Variants in EPB41L3 observed in about 807,000 individuals in gnomAD.
EPB41L3 encodes the protein erythrocyte membrane protein band 4.1 like 3, also known as band 4.1-like protein 3.
Under a neutral mutation model 127.1 loss-of-function variants are expected in EPB41L3, and 57 were observed. The observed-to-expected ratio is 0.45, with a 90% confidence interval of 0.36 to 0.56. The LOEUF (loss-of-function observed/expected upper bound fraction) is 0.56. Among genes scored for constraint, EPB41L3 ranks in the 20% least tolerant of loss-of-function variants. The probability of loss-of-function intolerance (pLI) is 0.00; values close to 1 mark genes in which losing one functional copy is unlikely to be tolerated. For missense variants in EPB41L3, 1,273 were observed against 1,372.2 expected (o/e 0.93, Z 1.14); for synonymous variants, 572 against 549.5 (o/e 1.04, Z -0.57).
chr18:5,511,684 G>C (rs2092534018), intron 1 of EPB41L3, among the ~76,000 whole-genome samples: 1 of 151,498 alleles, frequency 6.6e-6, no homozygotes, highest in African/African-American at 2.4e-5. Context: ...CAACCTTCCA[G>C]ACGCATACAG....
intron 1 of EPB41L3, among the ~76,000 whole-genome samples, chr18:5,530,297 T>G (rs191626637): frequency 6.6e-6 from 1 of 152,218 alleles, no homozygotes; most frequent in Non-Finnish European, 1.5e-5. Flanking sequence ...GCTAGACTGC[T>G]ATGGTGCCAG....
chr18:5,564,987 C>T lies in EPB41L3; in HGVS notation c.-306+47353G>A, dbSNP rs72868458. Among the ~76,000 whole-genome samples, 938 of 152,286 alleles carry T rather than the reference C, an allele frequency of 6.2e-3. 6 individuals carry two copies. The highest frequency in any genetic ancestry group is 8.3e-3 in the Non-Finnish European group (568 of 68,026). ...ACTTTTCCCTCAAAATAAACGGCCA[C>T]ATAGCAAAATATTTATTATTTACAA... is the stretch of plus-strand genomic sequence containing the variant. On this transcript the variant is annotated intron_variant, in intron 3 of 21. Coordinates refer to the EPB41L3 transcript ENST00000545076.
At chr18:5,402,694 T>C (rs1196731036) in intron 16 of EPB41L3, among the ~76,000 whole-genome samples, 3 of 152,142 alleles carry the variant, frequency 2.0e-5, no homozygotes, top group Non-Finnish European at 2.9e-5. Context: ...AAAAATTCAC[T>C]TTTATCAGGG....
At chr18:5,600,625 A>G (rs950487589) in intron 3 of EPB41L3, among the ~76,000 whole-genome samples, 1 of 151,082 alleles carries the variant, frequency 6.6e-6, no homozygotes, top group African/African-American at 2.4e-5. Context: ...CAAAGGGAAG[A>G]AAAAAACATT....
At chr18:5,401,154 A>G in intron 16 of EPB41L3, 1 of 493,650 alleles carries the variant, frequency 2.0e-6, no homozygotes, top group Non-Finnish European at 3.6e-6. Context: ...CTATCATCTC[A>G]TATATTCTCA....
chr18:5,499,831 A>ATG (rs1263779742), intron 1 of EPB41L3, among the ~76,000 whole-genome samples: 3 of 117,842 alleles, frequency 2.5e-5, no homozygotes, highest in Non-Finnish European at 5.5e-5. Flanking sequence ...ATGTGTGTGT[A>ATG]TATATATATA....
chr18:5,424,392 T>G, intron 9 of EPB41L3, 33 bp from the exon 10 acceptor site: 1 of 1,505,778 alleles, frequency 6.6e-7, no homozygotes, highest in East Asian at 2.3e-5. Flanking sequence ...AAGAGTAAAG[T>G]TTAAAATTAT....
chr18:5,570,976 CA>C (rs2094272405), intron 3 of EPB41L3: 1 of 152,092 alleles, frequency 6.6e-6, no homozygotes, highest in Non-Finnish European at 1.5e-5. Flanking sequence ...TATCAAATGC[CA>C]AGTATTTAGA....
intron 3 of EPB41L3, among the ~76,000 whole-genome samples, chr18:5,588,769 A>C (rs1283094370): frequency 6.6e-6 from 1 of 152,152 alleles, no homozygotes; most frequent in Non-Finnish European, 1.5e-5. Flanking sequence ...CACTGTAATT[A>C]AAGCAACAGT....
In EPB41L3 at chr18:5,438,071, G is replaced by T; in HGVS notation, c.569C>A (p.Pro190Gln). The T allele has an allele frequency of 6.2e-7, 1 of 1,613,792 alleles. No homozygotes were observed. The highest frequency in any genetic ancestry group is 1.1e-5 in the South Asian group (1 of 91,050). Residue 190 changes from proline (P) to glutamine (Q), a missense_variant, in exon 6 of 23, where the codon CCA (proline) becomes CAA (glutamine). Pro to Gln is a moderately conservative substitution (Grantham distance 76). Transcript: ENST00000341928. ...WHFSFNVKFY[P>Q]PDPAQLSEDI... is the part of the protein sequence containing the mutation. ...TTCAGATAGTTGGGCAGGGTCTGGT[G>T]GATAAAATTTCACATTAAATGAAAA...
At chr18:5,540,991 A>T (rs1409376570) in intron 1 of EPB41L3, among the ~76,000 whole-genome samples, 4 of 150,768 alleles carry the variant, frequency 2.7e-5, no homozygotes, top group African/African-American at 9.8e-5. Flanking sequence ...AGGCTGAGGC[A>T]GGAGAATGGC....
chr18:5,434,212 C>A (rs2079405448), intron 6 of EPB41L3, 91 bp from the exon 7 acceptor site: 2 of 971,080 alleles, frequency 2.1e-6, no homozygotes, highest in African/African-American at 1.6e-5. Context: ...CAAATAATTT[C>A]TCCCTGTAGA....
chr18:5,611,054 T>G (rs1018586569), intron 3 of EPB41L3, among the ~76,000 whole-genome samples: 3 of 152,186 alleles, frequency 2.0e-5, no homozygotes, highest in Non-Finnish European at 4.4e-5. Context: ...AAGGTCATGC[T>G]GGAGGAATTC....
chr18:5,419,674 C>G (rs769106148), intron 12 of EPB41L3, 37 bp downstream of exon 12: 2 of 1,610,950 alleles, frequency 1.2e-6, no homozygotes, highest in Non-Finnish European at 1.7e-6. Context: ...TTCTTAAAAG[C>G]TGGAGCAAGC....
At chr18:5,566,869 G>A (rs765901365) in intron 3 of EPB41L3, among the ~76,000 whole-genome samples, 6 of 151,488 alleles carry the variant, frequency 4.0e-5, no homozygotes, top group East Asian at 3.9e-4. Flanking sequence ...GTGCAGTGGC[G>A]CCAACGGCTC....
At chr18:5,495,421 AAATG>A (rs1008008909) in intron 1 of EPB41L3, among the ~76,000 whole-genome samples, 1 of 133,338 alleles carries the variant, frequency 7.5e-6, no homozygotes, top group Non-Finnish European at 1.6e-5. Flanking sequence ...AAAAAAAACT[AAATG>A]AAACAGTAAG....
At chr18:5,430,552 GA>G (rs1410625902) in intron 8 of EPB41L3, among the ~76,000 whole-genome samples, 3 of 149,748 alleles carry the variant, frequency 2.0e-5, no homozygotes, top group Non-Finnish European at 4.5e-5. Context: ...GTTAGTTTGA[GA>G]AATCTTTTTT....
chr18:5,563,434 A>G (rs1000210625), intron 3 of EPB41L3, among the ~76,000 whole-genome samples: 2 of 152,204 alleles, frequency 1.3e-5, no homozygotes, highest in Non-Finnish European at 2.9e-5. Context: ...TTAAGCAAGA[A>G]ATAATAATAT....
intron 2 of EPB41L3, among the ~76,000 whole-genome samples, chr18:5,485,795 C>T (rs144198769): frequency 8.0e-4 from 122 of 151,914 alleles, no homozygotes; most frequent in African/African-American, 2.9e-3. Context: ...AGTGAAAGAT[C>T]GGTGTAAGGA....
Sources: allele counts gnomAD v4.1 joint callset (sites outside exome capture counted in the v4.1 genomes callset), GRCh38; gene constraint gnomAD v4.1.1; transcripts MANE v1.5; gene names NCBI Gene and HGNC (gene_info 2026-07-23, HGNC 2026-07-21).